Variants in SEMA3D observed in about 807,000 individuals in gnomAD.
SEMA3D encodes the protein semaphorin 3D, also known as semaphorin-3D.
Under a neutral mutation model 100.1 loss-of-function variants are expected in SEMA3D, and 84 were observed. The ratio of observed to expected loss-of-function variants is 0.84; its 90% CI spans 0.70 to 1.01. The LOEUF is 1.01. Ranked by LOEUF, SEMA3D falls within the 50% of genes least tolerant of loss-of-function variation. The probability of loss-of-function intolerance (pLI) is 0.00; values close to 1 mark genes in which losing one functional copy is unlikely to be tolerated. For synonymous variants in SEMA3D, 312 were observed against 320.7 expected (o/e 0.97, Z 0.29); for missense variants, 875 against 934.1 (o/e 0.94, Z 0.82).
intron 4 of SEMA3D, among the ~76,000 whole-genome samples, chr7:85,094,510 C>A (rs1788492696): frequency 1.3e-5 from 2 of 151,956 alleles, no homozygotes; most frequent in Non-Finnish European, 2.9e-5. Context: ...TCTCCCTTTG[C>A]CTAATACTGC....
At chr7:85,098,855 T>G (rs1471015327) in intron 3 of SEMA3D, among the ~76,000 whole-genome samples, 1 of 151,838 alleles carries the variant, frequency 6.6e-6, no homozygotes, top group Non-Finnish European at 1.5e-5. Context: ...CCCCTCCCCG[T>G]GGCAATCACT....
Position 84,999,557 on chromosome 7 carries a change from C to A in SEMA3D, c.2217G>T (p.Lys739Asn). ...GGCCCCCCTTGTTTCTCTGTCTCCG[C>A]TTCTCCCTGTGCCACATCTGTTCGC... ...QYCEQMWHRE[K>N]RRQRNKGGPK... The change falls in exon 19 of 19, where the codon AAG becomes AAT. Residue 739 changes from lysine (K) to asparagine (N), a missense_variant. Transcript: ENST00000284136. The A allele has an allele frequency of 6.2e-7, 1 of 1,614,120 alleles. No individual in the cohort carries two copies. The highest frequency in any genetic ancestry group is 1.3e-5 in the African/African-American group (1 of 75,038).
intron 2 of SEMA3D, among the ~76,000 whole-genome samples, chr7:85,123,718 C>A (rs1019410400): frequency 7.2e-5 from 11 of 152,060 alleles, no homozygotes; most frequent in Admixed American, 5.2e-4. Context: ...CATTTCATTA[C>A]ATTCAAAGAT....
chr7:85,106,720 C>T (rs1788937367), intron 3 of SEMA3D, among the ~76,000 whole-genome samples: 1 of 152,036 alleles, frequency 6.6e-6, no homozygotes, highest in South Asian at 2.1e-4. Flanking sequence ...AATTAACTCA[C>T]AGTTCCGTAT....
chr7:85,208,875 T>C, the SEMA3D span, among the ~76,000 whole-genome samples: 1 of 152,042 alleles, frequency 6.6e-6, no homozygotes, highest in Non-Finnish European at 1.5e-5. Context: ...AATCTAGATA[T>C]GTTCATTGAA....
chr7:85,049,587 C>CA (rs1382292526), intron 9 of SEMA3D, among the ~76,000 whole-genome samples: 1 of 151,390 alleles, frequency 6.6e-6, no homozygotes, highest in African/African-American at 2.4e-5. Flanking sequence ...GGAAGTGAAG[C>CA]AAAAGCACAT....
the SEMA3D span, among the ~76,000 whole-genome samples, chr7:85,229,196 C>T: frequency 2.0e-5 from 3 of 151,910 alleles, no homozygotes; most frequent in African/African-American, 7.2e-5. Context: ...CTTGAAACTA[C>T]ATGTAATTGT....
the SEMA3D span, among the ~76,000 whole-genome samples, chr7:85,224,579 A>G: frequency 2.0e-5 from 3 of 152,196 alleles, no homozygotes; most frequent in African/African-American, 7.2e-5. Context: ...ACAGTGTTAG[A>G]TGAATGTGCA....
At chr7:85,194,732 T>C in the SEMA3D span, among the ~76,000 whole-genome samples, 1 of 152,228 alleles carries the variant, frequency 6.6e-6, no homozygotes, top group East Asian at 1.9e-4. Context: ...ACAAGAGAAA[T>C]TTATTTTCTC....
intron 6 of SEMA3D, 59 bp downstream of exon 6, chr7:85,072,903 G>A (rs1442965481): frequency 4.1e-5 from 56 of 1,372,520 alleles, no homozygotes; most frequent in Non-Finnish European, 5.2e-5. Context: ...TATGTCATAG[G>A]AATTAAGTAG....
At position 84,999,456 on chromosome 7, in the gene SEMA3D, C is replaced by A; in HGVS notation, c.2318G>T (p.Arg773Ile). Reference protein sequence around the residue: ...RHHRDLDELPRAVAT With the variant: ...RHHRDLDELPIAVAT ...AGTAGAAAACTACGTGGCTACAGCTCTAGGGAGCTCATCCAGGTCTCTGTG... is the reference window on the plus strand; with the variant it reads ...AGTAGAAAACTACGTGGCTACAGCTATAGGGAGCTCATCCAGGTCTCTGTG... Residue 773 changes from arginine to isoleucine, a missense_variant, in exon 19 of 19, where the codon AGA (arginine) becomes ATA (isoleucine). Coordinates refer to ENST00000284136, the MANE Select transcript of SEMA3D (RefSeq NM_001384900.1). 1.2e-6 allele frequency: 2 copies of A among 1,613,872 alleles called. No individual in the cohort carries two copies. Among genetic ancestry groups the A allele is most frequent in the Non-Finnish European group, 1.7e-6 (2 of 1,179,856 alleles).
In SEMA3D at chr7:85,020,233, C is replaced by T. The variant is rs1790217400; in HGVS notation, c.1503G>A (p.Lys501=). ...EVVLEELQIF[K]HSSIILNMEL... is the part of the protein sequence containing the mutation. ...CCTGGCACTCTGGACTGAGTCTTAC[C>T]TTGAATATCTGCAACTCCTCCAGCA... Residue 501 remains lysine, a splice_region_variant and synonymous_variant, in exon 14 of 19, where the codon AAG becomes AAA. Coordinates refer to ENST00000284136, the MANE Select transcript of SEMA3D (RefSeq NM_001384900.1). The T allele has an allele frequency of 1.2e-6, 2 of 1,602,946 alleles. No homozygotes were observed. The highest frequency in any genetic ancestry group is 1.7e-6 in the Non-Finnish European group (2 of 1,171,014).
At chr7:85,127,896 T>C (rs1359607241) in intron 2 of SEMA3D, among the ~76,000 whole-genome samples, 2 of 152,122 alleles carry the variant, frequency 1.3e-5, no homozygotes, top group African/African-American at 4.8e-5. Flanking sequence ...CAGATAATCT[T>C]ATAATATGCT....
chr7:85,246,959 A>G, the SEMA3D span, among the ~76,000 whole-genome samples: 1 of 152,000 alleles, frequency 6.6e-6, no homozygotes, highest in African/African-American at 2.4e-5. Context: ...TAAAAAAAAA[A>G]TAATGCTGAA....
At chr7:85,247,302 A>C in the SEMA3D span, among the ~76,000 whole-genome samples, 1 of 152,092 alleles carries the variant, frequency 6.6e-6, no homozygotes, top group East Asian at 1.9e-4. Flanking sequence ...TGGAAAAAAT[A>C]GATTGCTGTC....
chr7:85,002,107 T>G (rs754384960), intron 18 of SEMA3D, among the ~76,000 whole-genome samples: 1 of 152,138 alleles, frequency 6.6e-6, no homozygotes, highest in Non-Finnish European at 1.5e-5. Flanking sequence ...TTTATGTTGT[T>G]GTACTTTGAG....
chr7:85,203,189 G>A, the SEMA3D span, among the ~76,000 whole-genome samples: 2 of 152,194 alleles, frequency 1.3e-5, no homozygotes, highest in African/African-American at 2.4e-5. Flanking sequence ...AGAAATATGC[G>A]ATAGATATCC....
At chr7:85,128,932 C>G (rs1789642736) in intron 2 of SEMA3D, among the ~76,000 whole-genome samples, 1 of 126,906 alleles carries the variant, frequency 7.9e-6, no homozygotes, top group South Asian at 2.5e-4. Context: ...CACTCTGTAA[C>G]TGAAGCTAGA....
chr7:85,009,731 C>G (rs1789899611), intron 17 of SEMA3D, among the ~76,000 whole-genome samples: 1 of 151,814 alleles, frequency 6.6e-6, no homozygotes, highest in African/African-American at 2.4e-5. Flanking sequence ...ATTGTTACTT[C>G]ATTTACTTTA....
Sources: gnomAD v4.1 joint callset for allele counts (sites outside exome capture counted in the v4.1 genomes callset) on GRCh38, gnomAD v4.1.1 for gene constraint, MANE v1.5 for transcripts, NCBI Gene and HGNC (gene_info 2026-07-23, HGNC 2026-07-21) for gene names.